The following ZNF445 variants were observed in gnomAD, a reference collection of about 807,000 sequenced individuals.
The protein encoded by ZNF445 is zinc finger protein 445.
ZNF445 carries 19 observed loss-of-function variants against 93.9 expected under a neutral mutation model. The observed-to-expected ratio is 0.20, with a 90% CI of 0.14 to 0.30. The LOEUF is 0.30. ZNF445 is among the 10% of genes least tolerant of loss of function. ZNF445 has a pLI of 1.00. For synonymous variants in ZNF445, 449 were observed against 446.3 expected, an observed-to-expected ratio of 1.01 and a Z score of -0.08; for missense variants, 1,058 against 1,259.4, an observed-to-expected ratio of 0.84 and a Z score of 2.42.
rs1046049465 is a variant in ZNF445, at chr3:44,443,996, T to TA, written c.*2578dup. On this transcript the variant is annotated 3_prime_UTR_variant, in exon 8 of 8. Coordinates refer to ENST00000396077, the MANE Select transcript of ZNF445 (RefSeq NM_181489.6). Reference sequence around the variant, plus strand: ...AAAGTTTTGTCTCTACAAAAAAATATAAAAAATTAGCTGGCAGGGTGGCAC... The same window carrying TA: ...AAAGTTTTGTCTCTACAAAAAAATATAAAAAAATTAGCTGGCAGGGTGGCAC... 1 of 151,476 alleles carries TA rather than the reference T, an allele frequency of 6.6e-6. No individual in the cohort carries two copies. The highest frequency in any genetic ancestry group is 2.4e-5 in the African/African-American group (1 of 41,178). The allele number at this position is 151,476 out of a possible 1,614,324, so 9.4% of individuals were successfully genotyped here.
Position 44,446,855 on chromosome 3 carries a change from A to T in ZNF445, c.2816T>A (p.Leu939Ter), listed in dbSNP as rs1697884031. The T allele has an allele frequency of 6.2e-7, 1 of 1,613,788 alleles. No individual in the cohort carries two copies. Among genetic ancestry groups the T allele is most frequent in the Admixed American group, 1.7e-5 (1 of 60,000 alleles). The change falls in exon 8 of 8, where the codon TTG becomes TAG. Residue 939 changes from leucine (L) to a stop codon, truncating the protein, a stop_gained. Coordinates refer to ENST00000396077, the MANE Select transcript of ZNF445 (RefSeq NM_181489.6). LOFTEE classifies it high-confidence loss of function. This position sits in a 1 kb window ranked among gnomAD's most constrained non-coding sequence, Gnocchi z 4.2. The stretch of plus-strand genomic sequence containing the variant: ...ACTTGGTTTTAGCTTCTGTAATCTC[A>T]ACTTTGTGTCCTGAGAGGAAGACCG... ...PARSSSQDTK[L>*]RLQKLKPSEE... is the part of the protein sequence containing the mutation.
intron 4 of ZNF445, 128 bp downstream of exon 4, chr3:44,451,186 G>C: frequency 4.0e-6 from 5 of 1,239,560 alleles, no homozygotes; most frequent in Non-Finnish European, 5.7e-6. Context: ...AATGGATGGA[G>C]AGGACAGAGA....
rs1697673816 is a variant in ZNF445, at chr3:44,436,039, G to T, written c.*10536C>A. ...GTATAAATTATTGTCAGTGCAGCAG[G>T]GTCCTACTTCAAAGGGACCTGGCCT... On this transcript the variant is annotated 3_prime_UTR_variant, in exon 8 of 8. Transcript: ENST00000396077. 1 of 152,160 alleles carries T rather than the reference G, an allele frequency of 6.6e-6. No homozygotes were observed. The highest frequency in any genetic ancestry group is 1.5e-5 in the Non-Finnish European group (1 of 68,030). The allele number at this position is 152,160 out of a possible 1,614,324, so 9.4% of individuals were successfully genotyped here.
rs1422032597 is a variant in ZNF445, at chr3:44,440,566, C to T, written c.*6009G>A. 2 of 152,096 alleles carry T rather than the reference C, an allele frequency of 1.3e-5. No individual in the cohort carries two copies. Among genetic ancestry groups the T allele is most frequent in the South Asian group, 2.1e-4 (1 of 4,830 alleles). 9.4% of individuals were successfully genotyped at this position (152,096 alleles called of 1,614,324 possible). On this transcript the variant is annotated 3_prime_UTR_variant, in exon 8 of 8. Coordinates refer to ENST00000396077, the MANE Select transcript of ZNF445 (RefSeq NM_181489.6). ...CATAGATGTACTAGAGTTACTTAAGCGTTCGTTTACTAATAGCCATTTGTA... is the reference window on the plus strand; with the variant it reads ...CATAGATGTACTAGAGTTACTTAAGTGTTCGTTTACTAATAGCCATTTGTA...
At chr3:44,454,189 G>A (rs1274046268) in intron 3 of ZNF445, among the ~76,000 whole-genome samples, 2 of 148,346 alleles carry the variant, frequency 1.3e-5, no homozygotes, top group African/African-American at 2.5e-5. Flanking sequence ...GGTGGGGTAT[G>A]CCTCAAAAAA....
rs1038074808 is a variant in ZNF445, at chr3:44,441,613, T to A, written c.*4962A>T. 2 of 152,174 alleles carry A rather than the reference T, an allele frequency of 1.3e-5. No homozygotes were observed. Among genetic ancestry groups the A allele is most frequent in the African/African-American group, 4.8e-5 (2 of 41,444 alleles). The allele number at this position is 152,174 out of a possible 1,614,324, so 9.4% of individuals were successfully genotyped here. A position where few individuals can be genotyped will look rare whatever the true frequency, so the allele number is the denominator to read the frequency against. On this transcript the variant is annotated 3_prime_UTR_variant, in exon 8 of 8. Transcript: ENST00000396077. ...GTAACATCATGTACCTGGCAGGGAT[T>A]TCTATAAAGTCATAAGATGTCAGAG...
At chr3:44,467,556 G>A (rs542373769) in intron 1 of ZNF445, among the ~76,000 whole-genome samples, 2 of 152,304 alleles carry the variant, frequency 1.3e-5, no homozygotes, top group East Asian at 3.9e-4. Flanking sequence ...CTCAAGAGGA[G>A]AGAAATTTGC....
At chr3:44,457,568 C>A (rs991673017) in intron 2 of ZNF445, among the ~76,000 whole-genome samples, 1 of 152,148 alleles carries the variant, frequency 6.6e-6, no homozygotes, top group East Asian at 1.9e-4. Flanking sequence ...GATCTCCAAT[C>A]GATTTTTGAT....
At position 44,455,109 on chromosome 3, in the gene ZNF445, G is replaced by A. The variant is rs1457571325; in HGVS notation, c.429+12C>T. The A allele has an allele frequency of 6.2e-7, 1 of 1,613,952 alleles. No homozygotes were observed. Among genetic ancestry groups the A allele is most frequent in the South Asian group, 1.1e-5 (1 of 91,070 alleles). The stretch of plus-strand genomic sequence containing the variant: ...AGAGTTCCCTGGGCACCACACACTT[G>A]CTCACACTCACCCTCCAGGATGTCC... On this transcript the variant is annotated intron_variant, in intron 3 of 7. Coordinates refer to ENST00000396077, the MANE Select transcript of ZNF445 (RefSeq NM_181489.6).
chr3:44,473,931 A>G (rs1432694384), intron 1 of ZNF445, among the ~76,000 whole-genome samples: 1 of 152,232 alleles, frequency 6.6e-6, no homozygotes, highest in East Asian at 1.9e-4. Flanking sequence ...AAAGATTCCA[A>G]TTAATACTTT....
rs1047307717 is a variant in ZNF445 at position 44,434,364 on chromosome 3, T to C, written c.*12211A>G. ...AGGTGCAGGTTGCAGTGAGCCAAGA[T>C]TGCCTCCACTCCAGCTCGAGCTACA... On this transcript the variant is annotated 3_prime_UTR_variant, in exon 8 of 8. Coordinates refer to ENST00000396077, the MANE Select transcript of ZNF445 (RefSeq NM_181489.6). 1.3e-5 allele frequency: 2 copies of C among 151,710 alleles called. No homozygotes were observed. The highest frequency in any genetic ancestry group is 2.4e-5 in the African/African-American group (1 of 41,258). The allele number at this position is 151,710 out of a possible 1,614,324, so 9.4% of individuals were successfully genotyped here. A position where few individuals can be genotyped will look rare whatever the true frequency, so the allele number is the denominator to read the frequency against.
chr3:44,444,064 G>A lies in ZNF445; in HGVS notation c.*2511C>T, dbSNP rs891157628. On this transcript the variant is annotated 3_prime_UTR_variant, in exon 8 of 8. Coordinates refer to ENST00000396077, the MANE Select transcript of ZNF445 (RefSeq NM_181489.6). ...TACTCGGGAGGCTCAGATGGGACCT[G>A]AGCCTGGGAGGTCAAGGCTGCAGTA... 1 of 152,144 alleles carries A rather than the reference G, an allele frequency of 6.6e-6. No individual in the cohort carries two copies. The highest frequency in any genetic ancestry group is 1.5e-5 in the Non-Finnish European group (1 of 68,042). 9.4% of individuals were successfully genotyped at this position (152,144 alleles called of 1,614,324 possible).
Position 44,445,206 on chromosome 3 carries a change from T to C in ZNF445, c.*1369A>G, listed in dbSNP as rs545737652. 2.6e-5 allele frequency: 4 copies of C among 152,194 alleles called. No individual in the cohort carries two copies. Among genetic ancestry groups the C allele is most frequent in the African/African-American group, 9.6e-5 (4 of 41,526 alleles). 9.4% of individuals were successfully genotyped at this position (152,194 alleles called of 1,614,324 possible). On this transcript the variant is annotated 3_prime_UTR_variant, in exon 8 of 8. Transcript: ENST00000396077. ...GGGGCTAGAGACATGAACACAACAATGGTAAGCGTTTATATCTGCTGAGGC... is the reference window on the plus strand; with the variant it reads ...GGGGCTAGAGACATGAACACAACAACGGTAAGCGTTTATATCTGCTGAGGC...
chr3:44,454,220 A>G (rs960803702), intron 3 of ZNF445, among the ~76,000 whole-genome samples: 1 of 151,922 alleles, frequency 6.6e-6, no homozygotes, highest in Non-Finnish European at 1.5e-5. Context: ...GAAAAGAAAA[A>G]AAAAAGCTTA....
chr3:44,447,802 C>A lies in ZNF445; in HGVS notation c.1869G>T (p.Lys623Asn), dbSNP rs1244194107. Residue 623 changes from lysine (K) to asparagine (N), a missense_variant, in exon 8 of 8, where the codon AAG becomes AAT. Coordinates refer to ENST00000396077, the MANE Select transcript of ZNF445 (RefSeq NM_181489.6). The surrounding 1 kb of genome is among the most constrained non-coding windows in gnomAD (Gnocchi z 4.7). ...TCCTACATTTGGTACATTTATAGGG[C>A]TTCTCCTGGGTGTGAATCCTTTGAT... ...LEHQRIHTQE[K>N]PYKCTKCRKT... The A allele has an allele frequency of 6.2e-7, 1 of 1,614,128 alleles. No individual in the cohort carries two copies. The highest frequency in any genetic ancestry group is 8.5e-7 in the Non-Finnish European group (1 of 1,180,038).
intron 3 of ZNF445, among the ~76,000 whole-genome samples, chr3:44,452,004 C>T (rs1697964609): frequency 6.6e-6 from 1 of 152,180 alleles, no homozygotes; most frequent in Non-Finnish European, 1.5e-5. Context: ...AATAATAACA[C>T]TGATAGAGAG....
rs752616723 is a variant in ZNF445, at chr3:44,446,983, G to C, written c.2688C>G (p.Phe896Leu). The C allele has an allele frequency of 4.3e-6, 7 of 1,614,174 alleles. No individual in the cohort carries two copies. The South Asian group carries it at 6.6e-5, about 15-fold the overall frequency. ...HQRIHSTERP[F>L]KCQWCGKEFI... ...ACTCTTTCCCACACCACTGACATTT[G>C]AAAGGTCTCTCTGTAGAGTGGATCC... Residue 896 changes from phenylalanine (F) to leucine (L), a missense_variant, in exon 8 of 8, where the codon TTC (phenylalanine) becomes TTG (leucine). Coordinates refer to ENST00000396077, the MANE Select transcript of ZNF445 (RefSeq NM_181489.6). The surrounding 1 kb of genome is among the most constrained non-coding windows in gnomAD (Gnocchi z 4.2).
rs1697690087 is a variant in ZNF445 at position 44,436,802 on chromosome 3, C to T, written c.*9773G>A. ...AGCAAATGAAGACAGCCATTCTCAG[C>T]TTCTCAAGTTAAAACAATGAACCAC... is the stretch of plus-strand genomic sequence containing the variant. On this transcript the variant is annotated 3_prime_UTR_variant, in exon 8 of 8. Coordinates refer to ENST00000396077, the MANE Select transcript of ZNF445 (RefSeq NM_181489.6). 1 of 152,156 alleles carries T rather than the reference C, an allele frequency of 6.6e-6. No individual in the cohort carries two copies. The highest frequency in any genetic ancestry group is 2.4e-5 in the African/African-American group (1 of 41,442). The allele number at this position is 152,156 out of a possible 1,614,324, so 9.4% of individuals were successfully genotyped here.
intron 1 of ZNF445, among the ~76,000 whole-genome samples, chr3:44,475,827 C>T (rs1453129953): frequency 2.6e-5 from 4 of 151,994 alleles, no homozygotes; most frequent in Non-Finnish European, 4.4e-5. Flanking sequence ...GGTGAAACCC[C>T]GTCTTTACTT....
Sources: gnomAD v4.1 joint callset for allele counts (sites outside exome capture counted in the v4.1 genomes callset) on GRCh38, gnomAD v4.1.1 for gene constraint, Gnocchi (gnomAD v3.1) non-coding constraint, MANE v1.5 for transcripts, NCBI Gene and HGNC (gene_info 2026-07-23, HGNC 2026-07-21) for gene names.